Variants in RNF41 observed in about 807,000 individuals in gnomAD.
RNF41 encodes the protein E3 ubiquitin-protein ligase NRDP1.
Under a neutral mutation model 33.0 loss-of-function variants are expected in RNF41, and 4 were observed. The observed-to-expected ratio is 0.12, with a 90% CI of 0.06 to 0.28. The LOEUF is 0.28. Ranked by LOEUF, RNF41 falls within the 10% of genes least tolerant of loss-of-function variation. The pLI is 1.00. For missense variants in RNF41, 228 were observed against 432.6 expected (o/e 0.53, Z 4.19); for synonymous variants, 164 against 153.2 (o/e 1.07, Z -0.52).
chr12:56,208,547 A>C, intron 4 of RNF41: 1 of 316,176 alleles, frequency 3.2e-6, no homozygotes, highest in African/African-American at 2.2e-5. Context: ...CTATTTTTTA[A>C]ATTTATTTTA....
Position 56,206,684 on chromosome 12 carries a change from A to T in RNF41, c.717T>A (p.Pro239=). The change falls in exon 7 of 7, where the codon CCT becomes CCA. Residue 239 remains proline, a synonymous_variant. Coordinates refer to ENST00000345093, the MANE Select transcript of RNF41 (RefSeq NM_005785.4). The surrounding 1 kb of genome is among the most constrained non-coding windows in gnomAD (Gnocchi z 5.7). ...IKRSLVESGC[P]ASIVNELIEN... ...CAATCAGCTCGTTGACAATAGAAGC[A>T]GGACAGCCACTCTCCACCAGGGAGC... 6.2e-7 allele frequency: 1 copy of T among 1,614,174 alleles called. No individual in the cohort carries two copies. Among genetic ancestry groups the T allele is most frequent in the Middle Eastern group, 1.6e-4 (1 of 6,062 alleles).
chr12:56,218,568 C>A (rs1047259176), intron 1 of RNF41, among the ~76,000 whole-genome samples: 128 of 121,542 alleles, frequency 1.1e-3, no homozygotes, highest in Non-Finnish European at 2.0e-3. Context: ...CGCCCACCCC[C>A]AAATCTACAC....
intron 5 of RNF41, 135 bp from the exon 6 acceptor site, chr12:56,207,884 G>A (rs1868303902): frequency 1.3e-6 from 1 of 792,248 alleles, no homozygotes; most frequent in Middle Eastern, 2.4e-4. Context: ...ACAGGGATAA[G>A]ACTGTCTCAC....
chr12:56,208,335 G>A, intron 4 of RNF41, 37 bp from the exon 5 acceptor site: 1 of 1,608,532 alleles, frequency 6.2e-7, no homozygotes, highest in South Asian at 1.1e-5. Context: ...GAACAGAGGT[G>A]ATCCCTGGGA....
chr12:56,208,191 G>C lies in RNF41; in HGVS notation c.470C>G (p.Ala157Gly), dbSNP rs1232294540. Residue 157 changes from alanine (A) to glycine (G), a missense_variant, in exon 5 of 7, where the codon GCT becomes GGT. Ala to Gly is a moderately conservative substitution (Grantham distance 60, BLOSUM62 0). This residue lies in a region of RNF41 where 199 missense variants were observed against 334.6 expected (regional missense o/e 0.59). Transcript: ENST00000345093. ...TRIAELEKTS[A>G]EHKHQLAEQK... Reference sequence around the variant, plus strand: ...CTCCGCCAGCTGGTGTTTGTGTTCAGCTGACGTCTTCTCCAGCTCTGCGAT... The same window carrying C: ...CTCCGCCAGCTGGTGTTTGTGTTCACCTGACGTCTTCTCCAGCTCTGCGAT... The C allele has an allele frequency of 1.9e-6, 3 of 1,614,212 alleles. No individual in the cohort carries two copies. The highest frequency in any genetic ancestry group is 1.7e-6 in the Non-Finnish European group (2 of 1,180,038).
intron 1 of RNF41, among the ~76,000 whole-genome samples, chr12:56,218,494 C>T (rs1869077813): frequency 1.3e-5 from 2 of 151,484 alleles, no homozygotes; most frequent in Non-Finnish European, 2.9e-5. Flanking sequence ...AACTCCTGGG[C>T]AGGCTCCAGC....
Position 56,205,507 on chromosome 12 carries a change from ATAAAT to A in RNF41, c.*935_*939del, listed in dbSNP as rs1868251645. Reference sequence around the variant, plus strand: ...TCTTAAAAAAAAAAAAAGGAAGTAAATAAATTAAATTGCCAACAATGTGGCTGAGA... The same window carrying A: ...TCTTAAAAAAAAAAAAAGGAAGTAAATAAATTGCCAACAATGTGGCTGAGA... On this transcript the variant is annotated 3_prime_UTR_variant, in exon 7 of 7. Transcript: ENST00000345093. 6.7e-6 allele frequency: 1 copy of A among 150,152 alleles called. No individual in the cohort carries two copies. The highest frequency in any genetic ancestry group is 2.5e-5 in the African/African-American group (1 of 40,674). 9.3% of individuals were successfully genotyped at this position (150,152 alleles called of 1,614,324 possible).
Position 56,204,681 on chromosome 12 carries a change from G to GGGAGT in RNF41, c.*1765_*1766insACTCC, listed in dbSNP as rs1235817891. On this transcript the variant is annotated 3_prime_UTR_variant, in exon 7 of 7. Coordinates refer to ENST00000345093, the MANE Select transcript of RNF41 (RefSeq NM_005785.4). ...TATGAGCCTTGGTTAAGGCAGGTAG[G>GGGAGT]GGAAAGGGGAGTGGAAGAAATGTAG... The GGGAGT allele has an allele frequency of 3.3e-5, 5 of 152,668 alleles. No individual in the cohort carries two copies. Among genetic ancestry groups the GGGAGT allele is most frequent in the Admixed American group, 6.6e-5 (1 of 15,258 alleles). The allele number at this position is 152,668 out of a possible 1,614,324, so 9.5% of individuals were successfully genotyped here.
In RNF41 at chr12:56,204,053, A is replaced by G. The variant is rs1878724213; in HGVS notation, c.*2394T>C. 1 of 152,120 alleles carries G rather than the reference A, an allele frequency of 6.6e-6. No individual in the cohort carries two copies. The highest frequency in any genetic ancestry group is 1.5e-5 in the Non-Finnish European group (1 of 68,034). The allele number at this position is 152,120 out of a possible 1,614,324, so 9.4% of individuals were successfully genotyped here. ...ATAATTATGAAACCTCTGCAAGTAC[A>G]TTTCCCTCCTCACATTTACGTTCTT... On this transcript the variant is annotated 3_prime_UTR_variant, in exon 7 of 7. Coordinates refer to ENST00000345093, the MANE Select transcript of RNF41 (RefSeq NM_005785.4).
intron 1 of RNF41, among the ~76,000 whole-genome samples, chr12:56,221,214 CAG>C (rs1283113471): frequency 2.0e-5 from 3 of 152,192 alleles, no homozygotes. Context: ...TGAACCCTGC[CAG>C]AGAGCCAGGC....
At chr12:56,207,791 C>T (rs770533851) in intron 5 of RNF41, 42 bp from the exon 6 acceptor site, 2 of 1,518,188 alleles carry the variant, frequency 1.3e-6, no homozygotes, top group Non-Finnish European at 1.8e-6. Flanking sequence ...TTAAGGCAGA[C>T]AGCAGAAAAA....
In RNF41 at chr12:56,215,053, T is replaced by TG. The variant is rs146538104; in HGVS notation, c.-23-984dup. Among the ~76,000 whole-genome samples, 482 of 152,200 alleles carry TG rather than the reference T, an allele frequency of 3.2e-3. 5 individuals carry two copies. Among genetic ancestry groups the TG allele is most frequent in the African/African-American group, 0.011 (464 of 41,552 alleles). ...TGTAGGGCAAGAGTCAGCTAAATGT[T>TG]GGGGGAGCAGGGCATTAGGGTGTTA... On this transcript the variant is annotated intron_variant, in intron 2 of 6. Transcript: ENST00000345093.
intron 3 of RNF41, chr12:56,213,157 G>GA (rs940411177): frequency 2.8e-5 from 35 of 1,270,146 alleles, no homozygotes; most frequent in Non-Finnish European, 3.6e-5. Context: ...TAGATCCCAG[G>GA]AAAAAAATAG....
rs1029601379 is a variant in RNF41, at chr12:56,205,572, G to A, written c.*875C>T. 1.3e-5 allele frequency: 2 copies of A among 150,780 alleles called. No homozygotes were observed. The highest frequency in any genetic ancestry group is 2.4e-5 in the African/African-American group (1 of 40,822). The allele number at this position is 150,780 out of a possible 1,614,324, so 9.3% of individuals were successfully genotyped here. ...TCAGGCCATTCTTAAAAAAAAGAGG[G>A]GGGGGGGCAGTAGGTGGAGTTTGTG... On this transcript the variant is annotated 3_prime_UTR_variant, in exon 7 of 7. Coordinates refer to ENST00000345093, the MANE Select transcript of RNF41 (RefSeq NM_005785.4).
chr12:56,217,491 T>C (rs1263627971), intron 1 of RNF41, among the ~76,000 whole-genome samples: 2 of 151,774 alleles, frequency 1.3e-5, no homozygotes, highest in Non-Finnish European at 2.9e-5. Context: ...GAGGTTGCAG[T>C]GAGCCAAGAT....
chr12:56,210,551 A>G lies in RNF41; in HGVS notation c.108T>C (p.His36=), dbSNP rs772186341. ...GGGTGATGCAGGCGTTGCAGAAAGC[A>G]TGTTCACAATGAGGTGCCTAGAAGA... The part of the protein sequence containing the change: ...EEPVQAPHCE[H]AFCNACITQW... The change falls in exon 4 of 7, where the codon CAT becomes CAC. Residue 36 remains histidine (H), a synonymous_variant. Transcript: ENST00000345093. 2 of 1,613,306 alleles carry G rather than the reference A, an allele frequency of 1.2e-6. No individual in the cohort carries two copies. The highest frequency in any genetic ancestry group is 2.2e-5 in the East Asian group (1 of 44,878).
At chr12:56,217,131 C>T (rs969302822) in intron 1 of RNF41, among the ~76,000 whole-genome samples, 2 of 146,070 alleles carry the variant, frequency 1.4e-5, no homozygotes, top group African/African-American at 5.1e-5. Flanking sequence ...CACAGCAAGA[C>T]TCCGTCTTAA....
intron 4 of RNF41, among the ~76,000 whole-genome samples, chr12:56,209,532 A>G (rs929742631): frequency 6.8e-6 from 1 of 147,800 alleles, no homozygotes; most frequent in African/African-American, 2.5e-5. Flanking sequence ...ATCTCTGCTC[A>G]CTGCAAGCTC....
chr12:56,219,530 T>C (rs1277821450), intron 1 of RNF41, among the ~76,000 whole-genome samples: 2 of 150,218 alleles, frequency 1.3e-5, no homozygotes, highest in East Asian at 2.0e-4. Flanking sequence ...GGTTTCAACA[T>C]GTTGGCCAGG....
Sources: gnomAD v4.1 joint callset for allele counts (sites outside exome capture counted in the v4.1 genomes callset) on GRCh38, gnomAD v4.1.1 for gene constraint, gnomAD v4.1.1 regional missense constraint, Gnocchi (gnomAD v3.1) non-coding constraint, MANE v1.5 for transcripts, NCBI Gene and HGNC (gene_info 2026-07-23, HGNC 2026-07-21) for gene names.